MCTP2: variants seen among roughly 807,000 people sequenced by gnomAD.
The protein encoded by MCTP2 is multiple C2 and transmembrane domain containing 2.
Under a neutral mutation model 111.6 loss-of-function variants are expected in MCTP2, and 132 were observed. The observed-to-expected ratio is 1.18, with a 90% confidence interval of 1.03 to 1.37. The LOEUF (loss-of-function observed/expected upper bound fraction) is 1.37, where lower values mean the gene tolerates loss of function less well. MCTP2 is among the 40% of genes most tolerant of loss of function. The pLI, the probability that MCTP2 is intolerant of heterozygous loss-of-function variation, is 0.00. For missense variants in MCTP2, 1,183 were observed against 1,067.9 expected, an observed-to-expected ratio of 1.11 and a Z score of -1.50; for synonymous variants, 395 against 387.7, an observed-to-expected ratio of 1.02 and a Z score of -0.22.
chr15:94,376,541 C>T (rs1315124663), intron 12 of MCTP2, among the ~76,000 whole-genome samples: 5 of 152,094 alleles, frequency 3.3e-5, no homozygotes, highest in Admixed American at 6.6e-5. Flanking sequence ...CCTAAATGAA[C>T]GTGCCTGATA....
chr15:94,264,404 C>A (rs891887038), intron 1 of MCTP2, among the ~76,000 whole-genome samples: 1 of 151,960 alleles, frequency 6.6e-6, no homozygotes, highest in African/African-American at 2.4e-5. Context: ...GTCAGGAGAT[C>A]GAGACCATCC....
chr15:94,428,669 T>G (rs1178302444), intron 17 of MCTP2, among the ~76,000 whole-genome samples: 1 of 152,162 alleles, frequency 6.6e-6, no homozygotes, highest in Non-Finnish European at 1.5e-5. Flanking sequence ...TGTCTTAACC[T>G]CACTTGTATA....
intron 1 of MCTP2, among the ~76,000 whole-genome samples, chr15:94,256,808 A>T (rs183218512): frequency 2.0e-5 from 3 of 152,306 alleles, no homozygotes; most frequent in African/African-American, 7.2e-5. Context: ...AAAAATGAAG[A>T]AACAAATCAT....
chr15:94,415,764 A>G (rs2082344665), intron 17 of MCTP2, among the ~76,000 whole-genome samples: 2 of 152,062 alleles, frequency 1.3e-5, no homozygotes, highest in Non-Finnish European at 2.9e-5. Flanking sequence ...CAAATGATAC[A>G]CAGACACATT....
intron 19 of MCTP2, among the ~76,000 whole-genome samples, chr15:94,453,008 ATTCTT>A (rs1174059871): frequency 6.6e-6 from 1 of 152,156 alleles, no homozygotes; most frequent in South Asian, 2.1e-4. Flanking sequence ...GAAATAACTG[ATTCTT>A]TTCTTTACTG....
Position 94,370,122 on chromosome 15 carries a change from C to A in MCTP2, c.1524C>A (p.Val508=), listed in dbSNP as rs776556845. 6.2e-7 allele frequency: 1 copy of A among 1,612,936 alleles called. No individual in the cohort carries two copies. Among genetic ancestry groups the A allele is most frequent in the African/African-American group, 1.3e-5 (1 of 74,910 alleles). ...ACTCCCTGAAAGATGTGAAAGACGT[C>A]GGCATTCTACAAGTGAAGGTTTTAA... ...LQNSLKDVKD[V]GILQVKVLKA... Residue 508 remains valine (V), a synonymous_variant, in exon 12 of 23, where the codon GTC becomes GTA. Coordinates refer to ENST00000357742, the MANE Select transcript of MCTP2 (RefSeq NM_001385001.1).
intron 19 of MCTP2, among the ~76,000 whole-genome samples, chr15:94,445,245 TCTC>T (rs1226680943): frequency 5.3e-5 from 8 of 152,324 alleles, no homozygotes; most frequent in Non-Finnish European, 1.0e-4. Context: ...GCATTAGGGT[TCTC>T]CTCCTTCCCT....
At chr15:94,366,502 C>G (rs1321291277) in intron 10 of MCTP2, among the ~76,000 whole-genome samples, 1 of 152,072 alleles carries the variant, frequency 6.6e-6, no homozygotes, top group Non-Finnish European at 1.5e-5. Context: ...AGTTTTCATC[C>G]ACATAGCCAT....
chr15:94,258,034 A>ATTTTTTTT (rs60905293), intron 1 of MCTP2, among the ~76,000 whole-genome samples: 2 of 98,990 alleles, frequency 2.0e-5, no homozygotes, highest in Non-Finnish European at 3.9e-5. Flanking sequence ...CCACCATGTC[A>ATTTTTTTT]TTTTTTTTTT....
chr15:94,390,066 A>ACATATATATG (rs1567602037), intron 14 of MCTP2, among the ~76,000 whole-genome samples: 6 of 12,034 alleles, frequency 5.0e-4, no homozygotes, highest in East Asian at 1.9e-3. Flanking sequence ...ATATATATAT[A>ACATATATATG]TATATATATA....
intron 19 of MCTP2, among the ~76,000 whole-genome samples, chr15:94,450,986 C>G (rs1290250065): frequency 6.6e-6 from 1 of 152,150 alleles, no homozygotes; most frequent in Non-Finnish European, 1.5e-5. Context: ...GTTTATTGCA[C>G]CTATGGTGCT....
At chr15:94,465,368 C>G (rs1406347339) in intron 20 of MCTP2, among the ~76,000 whole-genome samples, 1 of 151,980 alleles carries the variant, frequency 6.6e-6, no homozygotes, top group Non-Finnish European at 1.5e-5. Context: ...CAGGCATGAC[C>G]TATGATAAAG....
intron 19 of MCTP2, among the ~76,000 whole-genome samples, chr15:94,446,173 A>T (rs533550266): frequency 1.3e-5 from 2 of 152,228 alleles, no homozygotes; most frequent in Non-Finnish European, 2.9e-5. Flanking sequence ...TCTTTTGCAG[A>T]CTTTCAGGGA....
rs562677927 is a variant in MCTP2 at position 94,440,013 on chromosome 15, A to G, written c.2086-163A>G. ...CAGCTCTTTCTATGCTACCAGTTCT[A>G]AAAATGAGTTGATCATTGTGTGTGT... On this transcript the variant is annotated intron_variant, in intron 17 of 22. Transcript: ENST00000357742. Among the ~76,000 whole-genome samples the G allele has an allele frequency of 5.3e-5, 8 of 152,310 alleles. No homozygotes were observed. In the South Asian group the frequency reaches 1.5e-3, roughly 28 times the overall value.
Position 94,483,806 on chromosome 15 carries a change from AG to A in MCTP2, c.*4773del, listed in dbSNP as rs1376212682. ...TCTGTATGACAAGCCTCTCTGACAC[AG>A]TTTACCTATGTAACAAACCTGCACA... On this transcript the variant is annotated 3_prime_UTR_variant, in exon 23 of 23. Transcript: ENST00000357742. The A allele has an allele frequency of 6.6e-6, 1 of 152,218 alleles. No homozygotes were observed. The highest frequency in any genetic ancestry group is 1.5e-5 in the Non-Finnish European group (1 of 68,036). 9.4% of individuals were successfully genotyped at this position (152,218 alleles called of 1,614,324 possible).
intron 10 of MCTP2, among the ~76,000 whole-genome samples, chr15:94,367,377 A>G (rs2152435460): frequency 6.6e-6 from 1 of 152,156 alleles, no homozygotes; most frequent in East Asian, 1.9e-4. Context: ...CCATCTGCCG[A>G]TGCTGCCTTC....
intron 4 of MCTP2, among the ~76,000 whole-genome samples, chr15:94,326,419 AT>A (rs1416313917): frequency 6.6e-6 from 1 of 152,214 alleles, no homozygotes; most frequent in East Asian, 1.9e-4. Context: ...GGTGGATTGC[AT>A]TTTTTGTGTT....
chr15:94,470,538 G>C (rs1044086776), intron 21 of MCTP2, 96 bp downstream of exon 21: 1 of 944,300 alleles, frequency 1.1e-6, no homozygotes, highest in African/African-American at 1.6e-5. Flanking sequence ...ATGTGCTCTT[G>C]TTGGCAATTA....
Position 94,448,468 on chromosome 15 carries a change from G to C in MCTP2, c.2250+5508G>C, listed in dbSNP as rs561916182. Among the ~76,000 whole-genome samples the C allele has an allele frequency of 6.6e-5, 10 of 152,276 alleles. No homozygotes were observed. The East Asian group carries it at 1.5e-3, about 23-fold the overall frequency. ...TTTTTTCGTAGTCTATATAGATTGA[G>C]TATCCCTAATCTAAATACTTGAAAT... On this transcript the variant is annotated intron_variant, in intron 19 of 22. Coordinates refer to ENST00000357742, the MANE Select transcript of MCTP2 (RefSeq NM_001385001.1).
Sources: allele counts gnomAD v4.1 joint callset (sites outside exome capture counted in the v4.1 genomes callset), GRCh38; gene constraint gnomAD v4.1.1; transcripts MANE v1.5; gene names NCBI Gene and HGNC (gene_info 2026-07-23, HGNC 2026-07-21).